VWA8: variants seen among roughly 807,000 people sequenced by gnomAD.
VWA8 encodes the protein von Willebrand factor A domain-containing protein 8.
A neutral mutation model predicts 241.5 loss-of-function variants in VWA8; 221 were observed. The observed-to-expected ratio is 0.91, with a 90% CI of 0.82 to 1.02. VWA8 has a LOEUF of 1.02. Among genes scored for constraint, VWA8 ranks in the 50% least tolerant of loss-of-function variants. VWA8 has a pLI of 0.00. For synonymous variants in VWA8, 852 were observed against 827.1 expected (o/e 1.03, Z -0.52); for missense variants, 2,322 against 2,328.7 (o/e 1.00, Z 0.06).
chr13:41,593,146 C>T lies in VWA8; in HGVS notation c.4987-2381G>A, dbSNP rs936172846. 2.0e-5 allele frequency among the ~76,000 whole-genome samples: 3 copies of T among 152,126 alleles called. No homozygotes were observed. In the East Asian group the frequency reaches 5.8e-4, roughly 29 times the overall value. ...AGGTCAGCCATTACACAAAGAAGCA[C>T]CACACAATATAATTCTGGGTATTAC... On this transcript the variant is annotated intron_variant, in intron 40 of 44. Transcript: ENST00000379310.
chr13:41,816,507 G>A (rs1480985606), intron 16 of VWA8, among the ~76,000 whole-genome samples, 191 bp downstream of exon 16: 2 of 152,176 alleles, frequency 1.3e-5, no homozygotes, highest in Non-Finnish European at 2.9e-5. Context: ...CATCAGCGAG[G>A]AGGAGCTGGA....
chr13:41,726,146 A>T (rs779527099), intron 24 of VWA8, among the ~76,000 whole-genome samples: 6 of 151,988 alleles, frequency 3.9e-5, no homozygotes, highest in African/African-American at 1.2e-4. Context: ...TTCTATCAGC[A>T]TCAGTAAACT....
intron 21 of VWA8, among the ~76,000 whole-genome samples, chr13:41,732,737 T>C (rs967371728): frequency 1.3e-5 from 2 of 152,154 alleles, no homozygotes; most frequent in African/African-American, 2.4e-5. Context: ...ATTTCTTAAA[T>C]CTACTTTTTA....
chr13:41,818,492 C>A (rs1297645752), intron 15 of VWA8, among the ~76,000 whole-genome samples: 1 of 151,296 alleles, frequency 6.6e-6, no homozygotes, highest in Non-Finnish European at 1.5e-5. Context: ...GTCTTGAACC[C>A]AGGAAGCAGA....
chr13:41,830,841 AG>A (rs2138000815), intron 13 of VWA8, among the ~76,000 whole-genome samples, 199 bp from the exon 14 acceptor site: 1 of 152,282 alleles, frequency 6.6e-6, no homozygotes, highest in Admixed American at 6.5e-5. Flanking sequence ...ACTGGAGGGC[AG>A]TAGTCATAAA....
At chr13:41,593,314 T>C (rs1462448752) in intron 40 of VWA8, among the ~76,000 whole-genome samples, 1 of 152,196 alleles carries the variant, frequency 6.6e-6, no homozygotes, top group East Asian at 1.9e-4. Context: ...AGAACTACCA[T>C]GTATGTGACC....
chr13:41,677,339 AC>A (rs1394183663), intron 35 of VWA8, among the ~76,000 whole-genome samples: 1 of 152,202 alleles, frequency 6.6e-6, no homozygotes, highest in East Asian at 1.9e-4. Context: ...GCCCTGAGTA[AC>A]CATCATCCTC....
chr13:41,760,591 C>T (rs1396661131), intron 21 of VWA8, among the ~76,000 whole-genome samples: 1 of 151,724 alleles, frequency 6.6e-6, no homozygotes, highest in African/African-American at 2.4e-5. Context: ...AGAACGGGTT[C>T]ACTCATAAAG....
intron 37 of VWA8, among the ~76,000 whole-genome samples, chr13:41,633,163 T>A (rs963065337): frequency 1.3e-5 from 2 of 152,246 alleles, no homozygotes; most frequent in African/African-American, 2.4e-5. Flanking sequence ...TATATATACA[T>A]CCACACATAT....
chr13:41,654,437 T>G (rs1396742999), intron 37 of VWA8, among the ~76,000 whole-genome samples: 1 of 152,156 alleles, frequency 6.6e-6, no homozygotes, highest in Non-Finnish European at 1.5e-5. Context: ...CGTGGAACAA[T>G]TTTTCCAGGG....
At chr13:41,906,781 T>C (rs1875740297) in intron 4 of VWA8, among the ~76,000 whole-genome samples, 1 of 152,204 alleles carries the variant, frequency 6.6e-6, no homozygotes, top group Admixed American at 6.5e-5. Flanking sequence ...AACTTTCTTT[T>C]TAAATTGCAT....
intron 37 of VWA8, among the ~76,000 whole-genome samples, chr13:41,637,029 TAGAA>T (rs1209550013): frequency 6.6e-6 from 1 of 150,452 alleles, no homozygotes; most frequent in Non-Finnish European, 1.5e-5. Flanking sequence ...GATCTAGAAC[TAGAA>T]ATACCATTTG....
At chr13:41,885,081 G>C (rs181986070) in intron 8 of VWA8, among the ~76,000 whole-genome samples, 12 of 152,178 alleles carry the variant, frequency 7.9e-5, no homozygotes, top group Admixed American at 7.8e-4. Context: ...CATAAGTCTG[G>C]TCACATTCAT....
chr13:41,717,190 C>T (rs2045353046), intron 26 of VWA8, among the ~76,000 whole-genome samples: 1 of 151,874 alleles, frequency 6.6e-6, no homozygotes, highest in Admixed American at 6.6e-5. Flanking sequence ...GAATTATTGT[C>T]AATAGCTCCC....
chr13:41,834,033 C>A (rs1468804034), intron 12 of VWA8, among the ~76,000 whole-genome samples: 2 of 152,124 alleles, frequency 1.3e-5, no homozygotes, highest in African/African-American at 4.8e-5. Context: ...ATGCTAGGAC[C>A]ATCACAATGA....
intron 20 of VWA8, among the ~76,000 whole-genome samples, chr13:41,763,649 T>C (rs144527976): frequency 3.9e-4 from 60 of 152,262 alleles, no homozygotes; most frequent in African/African-American, 1.4e-3. Flanking sequence ...ATGAGTAAAA[T>C]GTCTGTGTTA....
At chr13:41,646,069 C>T (rs1259765519) in intron 37 of VWA8, among the ~76,000 whole-genome samples, 2 of 151,580 alleles carry the variant, frequency 1.3e-5, no homozygotes, top group East Asian at 1.9e-4. Context: ...TGGGTTCAAG[C>T]GATTCTTCTG....
intron 16 of VWA8, among the ~76,000 whole-genome samples, chr13:41,812,711 T>C (rs1025194045): frequency 6.6e-6 from 1 of 152,188 alleles, no homozygotes; most frequent in African/African-American, 2.4e-5. Flanking sequence ...ACATTAGTAT[T>C]ATATTTCCTT....
At chr13:41,694,373 C>A (rs7327759) in intron 29 of VWA8, among the ~76,000 whole-genome samples, 11,053 of 151,838 alleles carry the variant, frequency 0.073, 470 homozygotes, top group East Asian at 0.13. Flanking sequence ...GCATGTTAAC[C>A]AAGCTTAAAT....
Sources: allele counts gnomAD v4.1 joint callset (sites outside exome capture counted in the v4.1 genomes callset), GRCh38; gene constraint gnomAD v4.1.1; transcripts MANE v1.5; gene names NCBI Gene and HGNC (gene_info 2026-07-23, HGNC 2026-07-21).